R3HDM2: variants seen among roughly 807,000 people sequenced by gnomAD.
R3HDM2 encodes the protein R3H domain containing 2.
In R3HDM2, 38 loss-of-function variants were observed where a neutral mutation model predicts 124.5. The ratio of observed to expected loss-of-function variants is 0.31; its 90% CI spans 0.24 to 0.40. R3HDM2 has a LOEUF of 0.40. Ranked by LOEUF, R3HDM2 falls within the 10% of genes least tolerant of loss-of-function variation. R3HDM2 has a pLI of 1.00. For missense variants in R3HDM2, 869 were observed against 1,236.9 expected (o/e 0.70, Z 4.46); for synonymous variants, 391 against 448.0 (o/e 0.87, Z 1.61).
At chr12:57,288,958 C>G in intron 12 of R3HDM2, 51 bp downstream of exon 12, 1 of 1,547,978 alleles carries the variant, frequency 6.5e-7, no homozygotes, top group Non-Finnish European at 8.7e-7. Flanking sequence ...TTATATTAAC[C>G]TCACTGGCAA....
rs142224473 is a variant in R3HDM2 at position 57,286,852 on chromosome 12, T to C, written c.938+2157A>G. Among the ~76,000 whole-genome samples, 649 of 151,956 alleles carry C rather than the reference T, an allele frequency of 4.3e-3. 4 individuals carry two copies. Among genetic ancestry groups the C allele is most frequent in the African/African-American group, 0.015 (618 of 41,458 alleles). ...GAGATCATGCCATTGCACTCCAGCC[T>C]GGGCAACAAGAGCGAAACTCCATCT... On this transcript the variant is annotated intron_variant, in intron 12 of 23. Coordinates refer to ENST00000402412, the MANE Select transcript of R3HDM2 (RefSeq NM_001394031.1).
chr12:57,268,793 C>A (rs921065342), intron 17 of R3HDM2, 129 bp downstream of exon 17: 6 of 1,246,580 alleles, frequency 4.8e-6, no homozygotes, highest in Admixed American at 4.8e-5. Context: ...AGGAAAAAAA[C>A]CTAAAAATTC....
Position 57,269,908 on chromosome 12 carries a change from G to A in R3HDM2, c.1431C>T (p.Phe477=). Residue 477 remains phenylalanine (F), a synonymous_variant, in exon 15 of 24, where the codon TTC becomes TTT. Coordinates refer to ENST00000402412, the MANE Select transcript of R3HDM2 (RefSeq NM_001394031.1). The part of the protein sequence containing the change: ...TEAADPSAAL[F]QTPLISQHPQ... ...GGTGCTGGGAGATAAGTGGGGTCTG[G>A]AATAGAGCTGCAGATGGGTCAGCTG... 1.2e-6 allele frequency: 2 copies of A among 1,614,186 alleles called. No homozygotes were observed. Among genetic ancestry groups the A allele is most frequent in the Non-Finnish European group, 8.5e-7 (1 of 1,180,028 alleles).
chr12:57,281,275 G>A (rs1369997356), intron 13 of R3HDM2, among the ~76,000 whole-genome samples: 5 of 132,600 alleles, frequency 3.8e-5, no homozygotes, highest in African/African-American at 5.6e-5. Flanking sequence ...CGACAAGAGC[G>A]AGACTCGGTC....
chr12:57,288,835 G>A (rs2047982685), intron 12 of R3HDM2, 174 bp downstream of exon 12: 4 of 1,527,542 alleles, frequency 2.6e-6, no homozygotes, highest in Non-Finnish European at 3.6e-6. Flanking sequence ...AAAAAGGAGA[G>A]ATATAGATCA....
At chr12:57,424,530 C>T (rs1476112448) in intron 1 of R3HDM2, among the ~76,000 whole-genome samples, 1 of 152,124 alleles carries the variant, frequency 6.6e-6, no homozygotes, top group Non-Finnish European at 1.5e-5. Context: ...TCCTAGTCTT[C>T]TGTTATTAAT....
At chr12:57,301,031 G>A (rs1210469590) in intron 4 of R3HDM2, among the ~76,000 whole-genome samples, 1 of 151,972 alleles carries the variant, frequency 6.6e-6, no homozygotes, top group Non-Finnish European at 1.5e-5. Flanking sequence ...TTGAGCCTGG[G>A]AGGTTGAGGC....
At chr12:57,342,126 T>G (rs1465318759) in intron 2 of R3HDM2, among the ~76,000 whole-genome samples, 1 of 152,130 alleles carries the variant, frequency 6.6e-6, no homozygotes, top group Non-Finnish European at 1.5e-5. Context: ...TCTGTGGAGT[T>G]CAAGGACTTT....
intron 11 of R3HDM2, among the ~76,000 whole-genome samples, chr12:57,289,819 T>C (rs1342280222): frequency 6.6e-6 from 1 of 152,170 alleles, no homozygotes; most frequent in Non-Finnish European, 1.5e-5. Context: ...CAAACACCCT[T>C]CTTGCCACTT....
At chr12:57,309,883 G>GACTGATTCTTAC (rs1454064828) in intron 3 of R3HDM2, among the ~76,000 whole-genome samples, 9 of 152,180 alleles carry the variant, frequency 5.9e-5, no homozygotes, top group Non-Finnish European at 1.5e-5. Flanking sequence ...TTCTAAAAGT[G>GACTGATTCTTAC]ACTGATTCTT....
intron 21 of R3HDM2, 131 bp from the exon 22 acceptor site, chr12:57,256,642 C>T (rs985851733): frequency 9.4e-5 from 60 of 638,036 alleles, no homozygotes; most frequent in East Asian, 8.3e-4. Flanking sequence ...AATGCCCATG[C>T]GACTGGTATA....
At chr12:57,347,649 T>A (rs1303750697) in intron 2 of R3HDM2, among the ~76,000 whole-genome samples, 2 of 152,216 alleles carry the variant, frequency 1.3e-5, no homozygotes, top group African/African-American at 4.8e-5. Flanking sequence ...AATTACATGC[T>A]GTCTACAAGG....
chr12:57,300,250 T>C (rs928990830), intron 4 of R3HDM2, 69 bp from the exon 5 acceptor site: 21 of 1,327,236 alleles, frequency 1.6e-5, no homozygotes. Context: ...TCGGTGAACA[T>C]TCAGAAAGCT....
At chr12:57,385,616 G>A (rs1018484578) in intron 2 of R3HDM2, among the ~76,000 whole-genome samples, 1 of 151,582 alleles carries the variant, frequency 6.6e-6, no homozygotes, top group East Asian at 2.0e-4. Flanking sequence ...GAGATGGGAA[G>A]ATCACTTGAT....
At chr12:57,373,222 C>T (rs926489597) in intron 2 of R3HDM2, among the ~76,000 whole-genome samples, 1 of 152,052 alleles carries the variant, frequency 6.6e-6, no homozygotes. Context: ...AATAACAAGC[C>T]GGGCGCGGTG....
intron 7 of R3HDM2, 43 bp from the exon 8 acceptor site, chr12:57,297,430 C>G (rs1189517361): frequency 7.9e-7 from 1 of 1,260,418 alleles, no homozygotes; most frequent in Admixed American, 2.2e-5. Context: ...AAACAAAAAG[C>G]AGCCCTCCCA....
At chr12:57,408,968 T>C (rs2068768890) in intron 1 of R3HDM2, among the ~76,000 whole-genome samples, 1 of 152,160 alleles carries the variant, frequency 6.6e-6, no homozygotes, top group African/African-American at 2.4e-5. Flanking sequence ...GACTTCTCTC[T>C]TATTTTGTAT....
rs145905386 is a variant in R3HDM2 at position 57,330,635 on chromosome 12, G to A, written c.-35-20172C>T. Among the ~76,000 whole-genome samples, 850 of 151,090 alleles carry A rather than the reference G, an allele frequency of 5.6e-3. 6 individuals carry two copies. Among genetic ancestry groups the A allele is most frequent in the African/African-American group, 0.02 (805 of 41,154 alleles). ...GCTGGGATTACAAGTGTGAGCCACC[G>A]TGCCTGGCTGGCATTTATTAATTCT... is the stretch of plus-strand genomic sequence containing the variant. On this transcript the variant is annotated intron_variant, in intron 2 of 23. Transcript: ENST00000402412.
At chr12:57,420,348 C>A (rs2070068126) in intron 1 of R3HDM2, among the ~76,000 whole-genome samples, 2 of 152,026 alleles carry the variant, frequency 1.3e-5, no homozygotes, top group South Asian at 4.1e-4. Flanking sequence ...AAAATGTTAT[C>A]ATCATTCTAA....
Sources: allele counts gnomAD v4.1 joint callset (sites outside exome capture counted in the v4.1 genomes callset), GRCh38; gene constraint gnomAD v4.1.1; transcripts MANE v1.5; gene names NCBI Gene and HGNC (gene_info 2026-07-23, HGNC 2026-07-21).